GSTCD: variants seen among roughly 807,000 people sequenced by gnomAD.
GSTCD encodes the protein glutathione S-transferase C-terminal domain-containing protein.
In GSTCD, 44 loss-of-function variants were observed where a neutral mutation model predicts 68.3. That is an observed-to-expected ratio of 0.64 (90% confidence interval 0.51 to 0.83). The LOEUF is 0.83. GSTCD is among the 40% of genes least tolerant of loss of function. The pLI is 0.00. For missense variants in GSTCD, 739 were observed against 735.9 expected, an observed-to-expected ratio of 1.00 and a Z score of -0.05; for synonymous variants, 273 against 255.2, an observed-to-expected ratio of 1.07 and a Z score of -0.67.
At chr4:105,729,547 C>A in intron 5 of GSTCD, 48 bp downstream of exon 5, 1 of 1,211,102 alleles carries the variant, frequency 8.3e-7, no homozygotes, top group Non-Finnish European at 1.2e-6. Context: ...TGGATACTGT[C>A]TTCAGATATG....
chr4:105,807,928 A>G (rs566372839), intron 5 of GSTCD, among the ~76,000 whole-genome samples: 147 of 152,220 alleles, frequency 9.7e-4, no homozygotes, highest in Non-Finnish European at 1.5e-3. Flanking sequence ...AGTTATTACA[A>G]CGGTCATTAT....
At chr4:105,761,958 TG>T (rs1734427292) in intron 5 of GSTCD, 2 of 152,210 alleles carry the variant, frequency 1.3e-5, no homozygotes, top group Admixed American at 1.3e-4. Context: ...GACTGGATAT[TG>T]GTGGGTCTCC....
At chr4:105,722,175 C>T (rs890169970) in intron 3 of GSTCD, among the ~76,000 whole-genome samples, 1 of 152,094 alleles carries the variant, frequency 6.6e-6, no homozygotes, top group African/African-American at 2.4e-5. Flanking sequence ...TAAATACACA[C>T]ATACACACAC....
At chr4:105,767,987 A>G (rs1305096839) in intron 5 of GSTCD, among the ~76,000 whole-genome samples, 1 of 151,902 alleles carries the variant, frequency 6.6e-6, no homozygotes, top group Admixed American at 6.6e-5. Context: ...ACTTAAAAAC[A>G]TTTTGTTCCA....
At chr4:105,774,854 C>A (rs1450268408) in intron 5 of GSTCD, among the ~76,000 whole-genome samples, 1 of 151,954 alleles carries the variant, frequency 6.6e-6, no homozygotes, top group Non-Finnish European at 1.5e-5. Flanking sequence ...TTGAGGAGTA[C>A]CTTTGTGGTG....
chr4:105,735,633 G>T (rs1000713441), intron 5 of GSTCD, among the ~76,000 whole-genome samples: 1 of 152,016 alleles, frequency 6.6e-6, no homozygotes, highest in Non-Finnish European at 1.5e-5. Flanking sequence ...TGGGTGAGGC[G>T]ATGCCTCACC....
rs149442660 is a variant in GSTCD, at chr4:105,719,474, C to T, written c.841C>T (p.Leu281Phe). 54 of 1,614,050 alleles carry T rather than the reference C, an allele frequency of 3.3e-5. No homozygotes were observed. The African/African-American group carries it at 7.1e-4, about 21-fold the overall frequency. ...TCTGGAGCATGTGTTTGCAGAAGGG[C>T]TTTACTTCACTCTGGCAGATATTGT... ...PPLEHVFAEG[L>F]YFTLADIVLL... Residue 281 changes from leucine (L) to phenylalanine (F), a missense_variant, in exon 3 of 12, where the codon CTT becomes TTT. Transcript: ENST00000515279.
intron 5 of GSTCD, among the ~76,000 whole-genome samples, chr4:105,769,748 A>G (rs1290370334): frequency 6.6e-6 from 1 of 151,938 alleles, no homozygotes; most frequent in African/African-American, 2.4e-5. Flanking sequence ...TACAATCAGA[A>G]TACAGATTTT....
At chr4:105,826,363 C>A (rs1471496322) in intron 8 of GSTCD, among the ~76,000 whole-genome samples, 1 of 151,924 alleles carries the variant, frequency 6.6e-6, no homozygotes, top group Non-Finnish European at 1.5e-5. Flanking sequence ...GATCATTAAA[C>A]CCCAGGGTTT....
At chr4:105,758,847 A>G (rs1483716175) in intron 5 of GSTCD, among the ~76,000 whole-genome samples, 1 of 151,974 alleles carries the variant, frequency 6.6e-6, no homozygotes, top group African/African-American at 2.4e-5. Context: ...AATTCGTTCA[A>G]TTTTTTATAA....
intron 5 of GSTCD, among the ~76,000 whole-genome samples, chr4:105,788,609 T>TA (rs1031198846): frequency 1.1e-4 from 17 of 151,984 alleles, no homozygotes; most frequent in African/African-American, 3.4e-4. Context: ...ATATCTCACT[T>TA]AAAAAAAAGT....
intron 5 of GSTCD, among the ~76,000 whole-genome samples, chr4:105,772,582 A>G (rs1010372166): frequency 2.6e-5 from 4 of 152,104 alleles, no homozygotes; most frequent in African/African-American, 7.2e-5. Context: ...GTGGAATTTT[A>G]TCGAGGGCCT....
intron 1 of GSTCD, among the ~76,000 whole-genome samples, chr4:105,716,379 C>CAAAG (rs1488871779): frequency 1.3e-5 from 2 of 152,114 alleles, no homozygotes; most frequent in Non-Finnish European, 2.9e-5. Context: ...ACACCAAATG[C>CAAAG]AAAGGCCCTG....
chr4:105,734,200 A>G lies in GSTCD; in HGVS notation c.1240+4701A>G, dbSNP rs1463246531. ...TCTTCTCGAGGAACATCTTTGTGGC[A>G]TTCTCCGTATTTCCTGAATTTGAAT... On this transcript the variant is annotated intron_variant, in intron 5 of 11. Coordinates refer to ENST00000515279, the MANE Select transcript of GSTCD (RefSeq NM_001370181.1). Among the ~76,000 whole-genome samples, 10 of 152,196 alleles carry G rather than the reference A, an allele frequency of 6.6e-5. No homozygotes were observed. The South Asian group carries it at 1.9e-3, about 28-fold the overall frequency.
intron 5 of GSTCD, among the ~76,000 whole-genome samples, chr4:105,740,007 G>A (rs1195135271): frequency 1.3e-5 from 2 of 152,076 alleles, no homozygotes; most frequent in Non-Finnish European, 2.9e-5. Context: ...GTGGTCACAG[G>A]TAGGCTTGGG....
rs1310590743 is a variant in GSTCD, at chr4:105,726,663, G to A, written c.979G>A (p.Gly327Arg). 3 of 1,613,858 alleles carry A rather than the reference G, an allele frequency of 1.9e-6. No homozygotes were observed. The highest frequency in any genetic ancestry group is 8.5e-7 in the Non-Finnish European group (1 of 1,179,896). The change falls in exon 4 of 12, where the codon GGA (glycine) becomes AGA (arginine). Residue 327 changes from glycine to arginine, a missense_variant. Coordinates refer to ENST00000515279, the MANE Select transcript of GSTCD (RefSeq NM_001370181.1). ...SWYQRIQEVP[G>R]VKTAASKCGI... ...GTACCAGAGGATTCAGGAAGTGCCA[G>A]GAGTAAAAACAGCAGCTTCTAAGTG...
Position 105,761,223 on chromosome 4 carries a change from C to G in GSTCD, c.1240+31724C>G, listed in dbSNP as rs1018633617. Reference sequence around the variant, plus strand: ...TTCACCATATTGGCCAGGCTGGTCTCGAACTCCTGACCTCAAGTGATCCAG... The same window carrying G: ...TTCACCATATTGGCCAGGCTGGTCTGGAACTCCTGACCTCAAGTGATCCAG... On this transcript the variant is annotated intron_variant, in intron 5 of 11. Coordinates refer to ENST00000515279, the MANE Select transcript of GSTCD (RefSeq NM_001370181.1). The G allele has an allele frequency of 2.3e-5, 4 of 170,442 alleles. 1 individual carries two copies. Among genetic ancestry groups the G allele is most frequent in the Admixed American group, 1.9e-4 (3 of 16,002 alleles). 10.6% of individuals were successfully genotyped at this position (170,442 alleles called of 1,614,324 possible).
intron 5 of GSTCD, among the ~76,000 whole-genome samples, chr4:105,747,333 A>G (rs1733839998): frequency 1.3e-5 from 2 of 152,244 alleles, no homozygotes; most frequent in South Asian, 4.1e-4. Context: ...TATCAGAATC[A>G]TTTGGAAGGC....
At chr4:105,749,732 G>A (rs1733942251) in intron 5 of GSTCD, among the ~76,000 whole-genome samples, 1 of 151,746 alleles carries the variant, frequency 6.6e-6, no homozygotes, top group South Asian at 2.1e-4. Context: ...TACACAAAAT[G>A]CTTTGGGACC....
Sources: gnomAD v4.1 joint callset for allele counts (sites outside exome capture counted in the v4.1 genomes callset) on GRCh38, gnomAD v4.1.1 for gene constraint, MANE v1.5 for transcripts, NCBI Gene and HGNC (gene_info 2026-07-23, HGNC 2026-07-21) for gene names.